MAPK10: variants seen among roughly 807,000 people sequenced by gnomAD.
MAPK10 encodes mitogen-activated protein kinase 10.
MAPK10 carries 25 observed loss-of-function variants against 59.3 expected under a neutral mutation model. The ratio of observed to expected loss-of-function variants is 0.42; its 90% CI spans 0.31 to 0.59. The LOEUF (loss-of-function observed/expected upper bound fraction) is 0.59. Among genes scored for constraint, MAPK10 ranks in the 20% least tolerant of loss-of-function variants. The probability of loss-of-function intolerance (pLI) is 0.15; values close to 1 mark genes in which losing one functional copy is unlikely to be tolerated. For missense variants in MAPK10, 351 were observed against 568.9 expected (o/e 0.62, Z 3.90); for synonymous variants, 190 against 200.5 (o/e 0.95, Z 0.44).
At chr4:86,507,655 T>TATATATATATATATATATATATATATAC (rs1755887058) in intron 1 of MAPK10, among the ~76,000 whole-genome samples, 1 of 71,266 alleles carries the variant, frequency 1.4e-5, no homozygotes, top group Non-Finnish European at 2.9e-5. Flanking sequence ...TATATATATA[T>TATATATATATATATATATATATATATAC]ATATATATAT....
chr4:86,147,477 A>G (rs2065291671), intron 4 of MAPK10, among the ~76,000 whole-genome samples: 1 of 152,122 alleles, frequency 6.6e-6, no homozygotes, highest in Non-Finnish European at 1.5e-5. Flanking sequence ...GCACTAATAA[A>G]TATACCTCCA....
intron 2 of MAPK10, among the ~76,000 whole-genome samples, chr4:86,309,696 T>C (rs867359172): frequency 2.0e-5 from 3 of 152,140 alleles, no homozygotes; most frequent in African/African-American, 7.2e-5. Flanking sequence ...TCTTCCTCAG[T>C]GACAATTTCA....
intron 1 of MAPK10, among the ~76,000 whole-genome samples, chr4:86,367,522 C>T (rs1020756584): frequency 6.6e-6 from 1 of 152,128 alleles, no homozygotes; most frequent in South Asian, 2.1e-4. Context: ...CAGGTCTATG[C>T]AAACCTACCC....
At chr4:86,240,816 T>C (rs2148686547) in intron 2 of MAPK10, among the ~76,000 whole-genome samples, 1 of 152,350 alleles carries the variant, frequency 6.6e-6, no homozygotes, top group East Asian at 1.9e-4. Context: ...TATCTTTTAA[T>C]TGGGGCATTT....
intron 4 of MAPK10, among the ~76,000 whole-genome samples, chr4:86,112,960 AT>A (rs2057735320): frequency 6.6e-6 from 1 of 151,638 alleles, no homozygotes; most frequent in South Asian, 2.1e-4. Flanking sequence ...CCTTACAATT[AT>A]GTAATGTCCT....
chr4:86,473,176 G>C lies in MAPK10; in HGVS notation c.-262-118532C>G, dbSNP rs530995768. ...GTTTCTTTAGTTCTATTTAGGACCT[G>C]CAAAAATGAAATTTTTCTAAAAATT... On this transcript the variant is annotated intron_variant, in intron 1 of 4. Coordinates refer to the MAPK10 transcript ENST00000502302. Among the ~76,000 whole-genome samples the C allele has an allele frequency of 3.3e-5, 5 of 152,134 alleles. No individual in the cohort carries two copies. In the East Asian group the frequency reaches 9.6e-4, roughly 29 times the overall value.
intron 3 of MAPK10, among the ~76,000 whole-genome samples, chr4:86,186,042 G>A (rs764759695): frequency 2.0e-5 from 3 of 152,060 alleles, no homozygotes; most frequent in Non-Finnish European, 4.4e-5. Flanking sequence ...CTCAGTGGGA[G>A]CACTAGAAAG....
chr4:86,328,811 T>C (rs926469236), intron 2 of MAPK10, among the ~76,000 whole-genome samples: 13 of 151,884 alleles, frequency 8.6e-5, no homozygotes, highest in Admixed American at 7.2e-4. Context: ...TGAGAATACA[T>C]GGACACAGGG....
At chr4:86,063,407 T>A (rs954407101) in intron 11 of MAPK10, among the ~76,000 whole-genome samples, 1 of 152,114 alleles carries the variant, frequency 6.6e-6, no homozygotes, top group African/African-American at 2.4e-5. Flanking sequence ...TGTAAAAAAA[T>A]ATGAGATGCT....
intron 2 of MAPK10, among the ~76,000 whole-genome samples, chr4:86,262,312 T>C (rs1440426787): frequency 6.6e-6 from 1 of 152,122 alleles, no homozygotes; most frequent in African/African-American, 2.4e-5. Context: ...TCACCAGATA[T>C]GGGTCCCTCG....
At chr4:86,049,985 T>C (rs2043216917) in intron 11 of MAPK10, among the ~76,000 whole-genome samples, 1 of 152,098 alleles carries the variant, frequency 6.6e-6, no homozygotes, top group African/African-American at 2.4e-5. Flanking sequence ...CTGCTTACAT[T>C]TCCAGCTGCA....
chr4:86,336,826 T>C (rs902379606), intron 2 of MAPK10, among the ~76,000 whole-genome samples: 1 of 133,200 alleles, frequency 7.5e-6, no homozygotes, highest in Admixed American at 8.4e-5. Flanking sequence ...AGTCTTGCAC[T>C]GTCACCCAGG....
rs1744182268 is a variant in MAPK10, at chr4:86,017,926, T to C, written c.1253-556A>G. 2.0e-5 allele frequency among the ~76,000 whole-genome samples: 3 copies of C among 152,156 alleles called. No individual in the cohort carries two copies. The South Asian group carries it at 6.2e-4, about 31-fold the overall frequency. On this transcript the variant is annotated intron_variant, in intron 13 of 13. Coordinates refer to ENST00000641462, the MANE Select transcript of MAPK10 (RefSeq NM_138982.4). This position sits in a 1 kb window ranked among gnomAD's most constrained non-coding sequence, Gnocchi z 4.4. ...TTAGTAGAGATGAGGTTTCAACATG[T>C]TGGCCAGAATGGTCTCGATCTCTTG...
chr4:86,498,735 C>T (rs979169931), intron 1 of MAPK10, among the ~76,000 whole-genome samples: 1 of 152,162 alleles, frequency 6.6e-6, no homozygotes, highest in Admixed American at 6.6e-5. Flanking sequence ...TCTGTTGCTG[C>T]CTAAGCGTAT....
At chr4:86,371,270 C>A (rs1738713785) in intron 1 of MAPK10, among the ~76,000 whole-genome samples, 1 of 152,110 alleles carries the variant, frequency 6.6e-6, no homozygotes, top group African/African-American at 2.4e-5. Flanking sequence ...TCCTCTGTGC[C>A]ATCACTGGCT....
chr4:86,194,278 C>G, intron 3 of MAPK10, 58 bp downstream of exon 3: 1 of 1,303,310 alleles, frequency 7.7e-7, no homozygotes, highest in Non-Finnish European at 1.1e-6. Context: ...AATGGTATGT[C>G]AAAGTGGAAA....
chr4:86,183,759 G>A (rs865841926), intron 3 of MAPK10, among the ~76,000 whole-genome samples: 2 of 152,192 alleles, frequency 1.3e-5, no homozygotes, highest in Non-Finnish European at 2.9e-5. Flanking sequence ...CCCATCAACA[G>A]TGTAAAAGTG....
At chr4:86,227,036 T>C (rs1021511246) in intron 2 of MAPK10, among the ~76,000 whole-genome samples, 2 of 152,236 alleles carry the variant, frequency 1.3e-5, no homozygotes, top group African/African-American at 2.4e-5. Context: ...AATAATAACA[T>C]ATTGTGAATG....
intron 2 of MAPK10, among the ~76,000 whole-genome samples, chr4:86,341,922 C>A (rs1286623472): frequency 2.0e-5 from 3 of 151,850 alleles, no homozygotes; most frequent in Non-Finnish European, 4.4e-5. Flanking sequence ...TTATTAGTAC[C>A]ATTTTACAGA....
Sources: gnomAD v4.1 joint callset for allele counts (sites outside exome capture counted in the v4.1 genomes callset) on GRCh38, gnomAD v4.1.1 for gene constraint, Gnocchi (gnomAD v3.1) non-coding constraint, MANE v1.5 for transcripts, NCBI Gene and HGNC (gene_info 2026-07-23, HGNC 2026-07-21) for gene names.